The following DGKB variants were observed in gnomAD, a reference collection of about 807,000 sequenced individuals.
DGKB encodes diacylglycerol kinase beta.
DGKB carries 67 observed loss-of-function variants against 114.3 expected under a neutral mutation model. The observed-to-expected ratio is 0.59, with a 90% CI of 0.48 to 0.72. The LOEUF is 0.72. Ranked by LOEUF, DGKB falls within the 30% of genes least tolerant of loss-of-function variation. The pLI, the probability that DGKB is intolerant of heterozygous loss-of-function variation, is 0.00. For synonymous variants in DGKB, 398 were observed against 323.1 expected (o/e 1.23, Z -2.49); for missense variants, 907 against 975.2 (o/e 0.93, Z 0.93).
intron 4 of DGKB, among the ~76,000 whole-genome samples, chr7:14,752,385 A>C (rs1054849228): frequency 6.6e-6 from 1 of 152,164 alleles, no homozygotes; most frequent in African/African-American, 2.4e-5. Flanking sequence ...CATTAAAAGA[A>C]ACTACAATAC....
Position 14,621,447 on chromosome 7 carries a change from T to A in DGKB, c.1215A>T (p.Pro405=). 6.2e-7 allele frequency: 1 copy of A among 1,611,334 alleles called. No homozygotes were observed. Among genetic ancestry groups the A allele is most frequent in the Non-Finnish European group, 8.5e-7 (1 of 1,178,554 alleles). Residue 405 remains proline (P), a synonymous_variant, in exon 15 of 26, where the codon CCA becomes CCT. Coordinates refer to ENST00000402815, the MANE Select transcript of DGKB (RefSeq NM_001350709.2). ...TTTTATTCTTGTCAATCACTTTGTT[T>A]GGCTGCTGGGAACCACTCTTTTCCT... ...VKKEKSGSQQ[P]NKVIDKNKMQ... is the part of the protein sequence containing the mutation.
upstream of DGKB, among the ~76,000 whole-genome samples, chr7:14,906,485 G>A (rs1232872054): frequency 5.5e-4 from 66 of 119,512 alleles, no homozygotes; most frequent in African/African-American, 9.2e-4. Context: ...ATGGAGTCTC[G>A]CTCTATTGCC....
intron 21 of DGKB, among the ~76,000 whole-genome samples, chr7:14,412,980 CAAAA>C (rs34787132): frequency 7.1e-6 from 1 of 141,556 alleles, no homozygotes; most frequent in Non-Finnish European, 1.5e-5. Flanking sequence ...GACTCCAGCT[CAAAA>C]AAAAAAAAAA....
intron 4 of DGKB, among the ~76,000 whole-genome samples, chr7:14,748,207 C>CA (rs1263344708): frequency 6.6e-6 from 1 of 152,030 alleles, no homozygotes; most frequent in African/African-American, 2.4e-5. Context: ...TACTAGAACA[C>CA]ACAAAATTCC....
intron 20 of DGKB, among the ~76,000 whole-genome samples, chr7:14,547,960 T>C (rs1794554703): frequency 6.6e-6 from 1 of 152,186 alleles, no homozygotes; most frequent in African/African-American, 2.4e-5. Flanking sequence ...TCAGCACACA[T>C]TACACAGCTT....
chr7:14,868,821 A>G (rs1442709206), intron 1 of DGKB, among the ~76,000 whole-genome samples: 4 of 152,142 alleles, frequency 2.6e-5, no homozygotes, highest in South Asian at 2.1e-4. Flanking sequence ...TAAAGGCAAT[A>G]CTTCAGAATC....
chr7:14,650,997 A>T (rs2128898011), intron 13 of DGKB, among the ~76,000 whole-genome samples: 1 of 151,620 alleles, frequency 6.6e-6, no homozygotes, highest in Non-Finnish European at 1.5e-5. Flanking sequence ...AAACTGTGGC[A>T]ATAATCAATA....
chr7:14,417,890 C>A (rs1231940117), intron 21 of DGKB, among the ~76,000 whole-genome samples: 1 of 151,452 alleles, frequency 6.6e-6, no homozygotes, highest in African/African-American at 2.4e-5. Flanking sequence ...AAACAAAAAA[C>A]TTTTACCTAG....
intron 17 of DGKB, among the ~76,000 whole-genome samples, chr7:14,587,879 A>G (rs374247462): frequency 1.3e-5 from 2 of 152,188 alleles, no homozygotes; most frequent in Non-Finnish European, 2.9e-5. Flanking sequence ...CATAACTTTT[A>G]TATGTACTGG....
chr7:14,582,669 G>A (rs1800124236), intron 18 of DGKB, among the ~76,000 whole-genome samples: 1 of 152,056 alleles, frequency 6.6e-6, no homozygotes, highest in Non-Finnish European at 1.5e-5. Context: ...CAGAGGGTAA[G>A]GTTTTGAGGG....
intron 20 of DGKB, among the ~76,000 whole-genome samples, chr7:14,498,956 G>A (rs1334319572): frequency 1.3e-5 from 2 of 151,590 alleles, no homozygotes; most frequent in Non-Finnish European, 3.0e-5. Context: ...GTGTAAACAT[G>A]AAGGATTTTG....
At chr7:14,520,453 G>T (rs948582088) in intron 20 of DGKB, among the ~76,000 whole-genome samples, 4 of 151,188 alleles carry the variant, frequency 2.6e-5, no homozygotes, top group Non-Finnish European at 4.4e-5. Flanking sequence ...TCTACTACAG[G>T]CATTTACATC....
At chr7:14,845,066 C>T (rs1351495053) in intron 1 of DGKB, among the ~76,000 whole-genome samples, 1 of 128,462 alleles carries the variant, frequency 7.8e-6, no homozygotes, top group Non-Finnish European at 1.6e-5. Flanking sequence ...TTGATTGCAC[C>T]ACTGTACTCC....
At chr7:14,637,092 C>T (rs1235745003) in intron 13 of DGKB, among the ~76,000 whole-genome samples, 2 of 151,856 alleles carry the variant, frequency 1.3e-5, no homozygotes, top group African/African-American at 4.8e-5. Flanking sequence ...TACCTAAGAG[C>T]TATTCATCTT....
intron 13 of DGKB, among the ~76,000 whole-genome samples, chr7:14,634,955 A>G (rs995494130): frequency 1.1e-4 from 17 of 151,634 alleles, no homozygotes; most frequent in Non-Finnish European, 2.2e-4. Flanking sequence ...AACCTTTAGT[A>G]AGAGATTATT....
intron 16 of DGKB, among the ~76,000 whole-genome samples, chr7:14,607,774 A>G (rs1804787489): frequency 6.6e-6 from 1 of 152,002 alleles, no homozygotes; most frequent in African/African-American, 2.4e-5. Context: ...TAATATGCAC[A>G]TACATTTAGG....
intron 4 of DGKB, among the ~76,000 whole-genome samples, chr7:14,752,519 C>G (rs1834280765): frequency 6.6e-6 from 1 of 152,162 alleles, no homozygotes; most frequent in Non-Finnish European, 1.5e-5. Context: ...TCAGAGAACA[C>G]TGATAGACAA....
At chr7:14,227,473 A>AT (rs1463390521) in intron 23 of DGKB, among the ~76,000 whole-genome samples, 1 of 152,130 alleles carries the variant, frequency 6.6e-6, no homozygotes, top group Non-Finnish European at 1.5e-5. Flanking sequence ...TAATGAAAGT[A>AT]TCCAAAAAGG....
intron 23 of DGKB, among the ~76,000 whole-genome samples, chr7:14,212,332 A>G (rs79271530): frequency 6.5e-4 from 14 of 21,644 alleles, no homozygotes; most frequent in East Asian, 2.4e-3. Context: ...TTTTACTCTC[A>G]TGTTTTGTGA....
Sources: allele counts gnomAD v4.1 joint callset (sites outside exome capture counted in the v4.1 genomes callset), GRCh38; gene constraint gnomAD v4.1.1; transcripts MANE v1.5; gene names NCBI Gene and HGNC (gene_info 2026-07-23, HGNC 2026-07-21).